Variants in WNT3A observed in about 807,000 individuals in gnomAD.
The protein encoded by WNT3A is Wnt family member 3A, also known as protein Wnt-3a.
A neutral mutation model predicts 37.0 loss-of-function variants in WNT3A; 17 were observed. That is an observed-to-expected ratio of 0.46 (90% confidence interval 0.31 to 0.69). The LOEUF is 0.69. WNT3A is among the 30% of genes least tolerant of loss of function. The pLI is 0.05. For synonymous variants in WNT3A, 187 were observed against 211.0 expected, an observed-to-expected ratio of 0.89 and a Z score of 0.99; for missense variants, 411 against 510.2, an observed-to-expected ratio of 0.81 and a Z score of 1.87.
At chr1:228,025,768 T>G (rs1394328851) in intron 2 of WNT3A, among the ~76,000 whole-genome samples, 1 of 152,222 alleles carries the variant, frequency 6.6e-6, no homozygotes, top group African/African-American at 2.4e-5. Context: ...GGAATCATTT[T>G]TCTTTTCTTC....
At chr1:228,016,468 C>A (rs1366071827) in intron 1 of WNT3A, among the ~76,000 whole-genome samples, 1 of 152,066 alleles carries the variant, frequency 6.6e-6, no homozygotes, top group African/African-American at 2.4e-5. Flanking sequence ...CCACCCATGT[C>A]CCCCTGGGTG....
At chr1:228,019,759 G>A (rs1032147204) in intron 1 of WNT3A, among the ~76,000 whole-genome samples, 3 of 152,186 alleles carry the variant, frequency 2.0e-5, no homozygotes, top group African/African-American at 4.8e-5. Context: ...TTATGCTTAC[G>A]TCAGTCTGCT....
At chr1:228,034,026 C>T (rs2031079770) in intron 2 of WNT3A, among the ~76,000 whole-genome samples, 1 of 152,102 alleles carries the variant, frequency 6.6e-6, no homozygotes, top group African/African-American at 2.4e-5. Flanking sequence ...CTTTGGGAGG[C>T]CAAGACAGGG....
chr1:228,046,059 G>A (rs1205798032), intron 2 of WNT3A, among the ~76,000 whole-genome samples: 1 of 152,258 alleles, frequency 6.6e-6, no homozygotes, highest in Non-Finnish European at 1.5e-5. Flanking sequence ...CTCAGAGCAG[G>A]CAGGGGCACA....
intron 2 of WNT3A, among the ~76,000 whole-genome samples, chr1:228,026,000 C>CCTCT (rs2030846369): frequency 6.6e-6 from 1 of 151,640 alleles, no homozygotes; most frequent in Admixed American, 6.6e-5. Context: ...CTCAAGCAAT[C>CCTCT]CTCTCGCCTT....
At position 228,060,132 on chromosome 1, in the gene WNT3A, C is replaced by T; in HGVS notation, c.*667C>T. The T allele has an allele frequency of 5.0e-5, 67 of 1,334,614 alleles. No homozygotes were observed. Among genetic ancestry groups the T allele is most frequent in the Non-Finnish European group, 6.6e-5 (67 of 1,012,112 alleles). The allele number at this position is 1,334,614 out of a possible 1,614,324, so 82.7% of individuals were successfully genotyped here. ...TCTCTGGGACCAGGCTCCAATGGGG[C>T]GGGGCTTCTCTCCGCGGGTGGGACT... On this transcript the variant is annotated 3_prime_UTR_variant, in exon 4 of 4. Transcript: ENST00000284523.
Position 228,038,747 on chromosome 1 carries a change from TG to T in WNT3A, c.314-11908del, listed in dbSNP as rs1249137996. The stretch of plus-strand genomic sequence containing the variant: ...AGCGTGCACGGGGGGCTGTGTTCGC[TG>T]TGACCCTCCATCCCCCAGGATGCCT... On this transcript the variant is annotated intron_variant, in intron 2 of 3. Coordinates refer to ENST00000284523, the MANE Select transcript of WNT3A (RefSeq NM_033131.4). This position sits in a 1 kb window ranked among gnomAD's most constrained non-coding sequence, Gnocchi z 5.7. Among the ~76,000 whole-genome samples, 9 of 152,160 alleles carry T rather than the reference TG, an allele frequency of 5.9e-5. 1 individual carries two copies. The highest frequency in any genetic ancestry group is 1.0e-4 in the Non-Finnish European group (7 of 68,022).
intron 2 of WNT3A, among the ~76,000 whole-genome samples, chr1:228,029,742 C>A (rs183423086): frequency 0.012 from 1,722 of 141,066 alleles, 22 homozygotes; most frequent in Middle Eastern, 0.022. Context: ...TTGTGCCCAC[C>A]CCCCCCCCAA....
intron 3 of WNT3A, among the ~76,000 whole-genome samples, chr1:228,057,327 G>A (rs2031702456): frequency 6.6e-6 from 1 of 152,120 alleles, no homozygotes; most frequent in African/African-American, 2.4e-5. Context: ...CATGGCTAGA[G>A]GCCAATAAAT....
chr1:228,036,197 A>T (rs1454452275), intron 2 of WNT3A, among the ~76,000 whole-genome samples: 3 of 152,232 alleles, frequency 2.0e-5, no homozygotes, highest in African/African-American at 7.2e-5. Context: ...ACCCCTGCCA[A>T]GATGGCCTTG....
intron 3 of WNT3A, 150 bp from the exon 4 acceptor site, chr1:228,058,836 G>C (rs2031733026): frequency 3.9e-6 from 3 of 763,400 alleles, no homozygotes; most frequent in African/African-American, 3.5e-5. Context: ...CCATAGGAAG[G>C]GGGTGGCCCT....
At chr1:228,036,861 G>A (rs1002066668) in intron 2 of WNT3A, among the ~76,000 whole-genome samples, 16 of 152,194 alleles carry the variant, frequency 1.1e-4, no homozygotes, top group Admixed American at 1.0e-3. Context: ...CAGGCAGCAC[G>A]TGGCTCTGCA....
chr1:228,017,328 A>C (rs1449994835), intron 1 of WNT3A, among the ~76,000 whole-genome samples: 1 of 152,148 alleles, frequency 6.6e-6, no homozygotes, highest in African/African-American at 2.4e-5. Flanking sequence ...AGGGAGAAAC[A>C]ACCAGCTTCA....
intron 3 of WNT3A, among the ~76,000 whole-genome samples, chr1:228,055,172 AAAAAAAAATATATAT>A (rs2031650661): frequency 2.8e-5 from 2 of 71,424 alleles, no homozygotes; most frequent in Admixed American, 1.8e-4. Flanking sequence ...AAAAAAAAAA[AAAAAAAAATATATAT>A]ATATATATAT....
rs76082193 is a variant in WNT3A at position 228,038,901 on chromosome 1, T to G, written c.314-11755T>G. Among the ~76,000 whole-genome samples the G allele has an allele frequency of 0.035, 5,403 of 152,206 alleles. 154 individuals carry two copies. Among genetic ancestry groups the G allele is most frequent in the Admixed American group, 0.098 (1,502 of 15,286 alleles). On this transcript the variant is annotated intron_variant, in intron 2 of 3. Transcript: ENST00000284523. This position sits in a 1 kb window ranked among gnomAD's most constrained non-coding sequence, Gnocchi z 5.7. ...TGCAGACCTGGGGAGAGAAGCTGGC[T>G]GCAGTAGGGTGCACTTGGGGGACAG...
At position 228,050,569 on chromosome 1, in the gene WNT3A, A is replaced by T. The variant is rs995105796; in HGVS notation, c.314-87A>T. ...CCAACCTCACGAGTTCCTTTATAAC[A>T]ATGCAAATGGGCTAAGACCCCTGAC... On this transcript the variant is annotated intron_variant, in intron 2 of 3. Transcript: ENST00000284523. The surrounding 1 kb of genome is among the most constrained non-coding windows in gnomAD (Gnocchi z 5.0). The T allele has an allele frequency of 4.7e-6, 7 of 1,476,192 alleles. No homozygotes were observed. The African/African-American group carries it at 9.9e-5, about 21-fold the overall frequency. 91.4% of individuals were successfully genotyped at this position (1,476,192 alleles called of 1,614,324 possible).
chr1:228,056,889 T>A (rs778986270), intron 3 of WNT3A, among the ~76,000 whole-genome samples: 2 of 152,186 alleles, frequency 1.3e-5, no homozygotes, highest in Non-Finnish European at 2.9e-5. Flanking sequence ...CTCCAAGATG[T>A]AAAAATGATT....
At chr1:228,028,292 A>ATTTT (rs56294253) in intron 2 of WNT3A, among the ~76,000 whole-genome samples, 8 of 120,216 alleles carry the variant, frequency 6.7e-5, no homozygotes, top group Non-Finnish European at 1.2e-4. Context: ...GTTACATATA[A>ATTTT]TTTTTTTTTT....
At chr1:228,015,403 A>G (rs1348611679) in intron 1 of WNT3A, among the ~76,000 whole-genome samples, 1 of 152,234 alleles carries the variant, frequency 6.6e-6, no homozygotes, top group African/African-American at 2.4e-5. Context: ...TTAGAATTCC[A>G]GCCACTCAGC....
Sources: allele counts gnomAD v4.1 joint callset (sites outside exome capture counted in the v4.1 genomes callset), GRCh38; gene constraint gnomAD v4.1.1; non-coding constraint Gnocchi (gnomAD v3.1); transcripts MANE v1.5; gene names NCBI Gene and HGNC (gene_info 2026-07-23, HGNC 2026-07-21).